Variants in CDK12 observed in about 807,000 individuals in gnomAD.
The protein encoded by CDK12 is cyclin dependent kinase 12.
In CDK12, 17 loss-of-function variants were observed where a neutral mutation model predicts 133.8. The ratio of observed to expected loss-of-function variants is 0.13; its 90% CI spans 0.09 to 0.19. The LOEUF is 0.19. Ranked by LOEUF, CDK12 falls within the 10% of genes least tolerant of loss-of-function variation. The pLI is 1.00. For missense variants in CDK12, 1,508 were observed against 1,818.7 expected (o/e 0.83, Z 3.11); for synonymous variants, 694 against 683.6 (o/e 1.02, Z -0.24).
chr17:39,530,523 A>T, intron 13 of CDK12, 81 bp from the exon 14 acceptor site: 2 of 1,501,254 alleles, frequency 1.3e-6, no homozygotes, highest in Non-Finnish European at 8.9e-7. Flanking sequence ...ATATTTGTTT[A>T]TGTTGCACAG....
intron 3 of CDK12, among the ~76,000 whole-genome samples, chr17:39,492,287 G>A (rs1452212277): frequency 6.7e-6 from 1 of 149,138 alleles, no homozygotes; most frequent in Non-Finnish European, 1.5e-5. Context: ...TAGTAGAGAC[G>A]GGGTTTCACC....
rs187669159 is a variant in CDK12 at position 39,522,192 on chromosome 17, C to T, written c.3095+2105C>T. ...TGGTGTGATCTCGACTCACCACAAG[C>T]GTTTCCTGCCTCAGCCTCCCGAGTA... On this transcript the variant is annotated intron_variant, in intron 11 of 13. Transcript: ENST00000447079. 2.3e-3 allele frequency among the ~76,000 whole-genome samples: 350 copies of T among 151,768 alleles called. 2 individuals carry two copies. The highest frequency in any genetic ancestry group is 8.0e-3 in the African/African-American group (330 of 41,352).
intron 13 of CDK12, 83 bp downstream of exon 13, chr17:39,526,399 A>G (rs1598176634): frequency 9.7e-7 from 1 of 1,026,820 alleles, no homozygotes; most frequent in South Asian, 1.7e-5. Context: ...TTTTTCCCCC[A>G]CATCAATGGC....
chr17:39,557,981 ATG>A (rs1214688728), intron 3 of CDK12, among the ~76,000 whole-genome samples: 2 of 152,230 alleles, frequency 1.3e-5, no homozygotes, highest in Admixed American at 1.3e-4. Context: ...TCGTGAAATA[ATG>A]TGTGTAAAGC....
intron 2 of CDK12, among the ~76,000 whole-genome samples, chr17:39,487,950 T>C (rs1360106924): frequency 6.6e-6 from 1 of 151,978 alleles, no homozygotes; most frequent in Non-Finnish European, 1.5e-5. Context: ...TATTAATAAA[T>C]TGAGATAGGC....
In CDK12 at chr17:39,461,614, G is replaced by A. The variant is rs549862718; in HGVS notation, c.-458G>A. The A allele has an allele frequency of 6.4e-5, 17 of 267,496 alleles. No individual in the cohort carries two copies. Among genetic ancestry groups the A allele is most frequent in the Admixed American group, 6.1e-4 (13 of 21,290 alleles). The allele number at this position is 267,496 out of a possible 1,614,324, so 16.6% of individuals were successfully genotyped here. A position where few individuals can be genotyped will look rare whatever the true frequency, so the allele number is the denominator to read the frequency against. ...GAGCGAGGGACAAAGGGGGCGTGAG[G>A]CACCTAGGCCGCGGCACCCCGGCGA... On this transcript the variant is annotated 5_prime_UTR_variant, in exon 1 of 14. Coordinates refer to ENST00000447079, the MANE Select transcript of CDK12 (RefSeq NM_016507.4).
In CDK12 at chr17:39,509,519, A is replaced by G. The variant is rs149295740; in HGVS notation, c.2610-186A>G. 1.1e-3 allele frequency among the ~76,000 whole-genome samples: 173 copies of G among 152,302 alleles called. 1 individual carries two copies. The highest frequency in any genetic ancestry group is 3.9e-3 in the African/African-American group (161 of 41,576). On this transcript the variant is annotated intron_variant, in intron 6 of 13. Coordinates refer to ENST00000447079, the MANE Select transcript of CDK12 (RefSeq NM_016507.4). The stretch of plus-strand genomic sequence containing the variant: ...TAGGGGGATTGAGTGTTAAGAGTAG[A>G]AGTAATCATGAACTGGGTATTGTAT...
At position 39,468,791 on chromosome 17, in the gene CDK12, T is replaced by TTTAA. The variant is rs982752976; in HGVS notation, c.1047-2073_1047-2070dup. Among the ~76,000 whole-genome samples, 60 of 151,436 alleles carry TTTAA rather than the reference T, an allele frequency of 4.0e-4. 1 individual carries two copies. Among genetic ancestry groups the TTTAA allele is most frequent in the African/African-American group, 1.2e-3 (49 of 41,354 alleles). The stretch of plus-strand genomic sequence containing the variant: ...TGCCCGGCACTTTTAATGTTTTTAT[T>TTTAA]TTAATTAATTAATTAATTTATTTAT... On this transcript the variant is annotated intron_variant, in intron 1 of 13. Coordinates refer to ENST00000447079, the MANE Select transcript of CDK12 (RefSeq NM_016507.4).
At chr17:39,469,938 A>G (rs1002688637) in intron 1 of CDK12, among the ~76,000 whole-genome samples, 2 of 151,978 alleles carry the variant, frequency 1.3e-5, no homozygotes, top group Non-Finnish European at 2.9e-5. Flanking sequence ...CACCTGGCCA[A>G]GCATGACTGC....
At chr17:39,502,433 G>A (rs1297769598) in intron 6 of CDK12, among the ~76,000 whole-genome samples, 4 of 152,130 alleles carry the variant, frequency 2.6e-5, no homozygotes, top group East Asian at 3.9e-4. Context: ...GATTACAGGC[G>A]TGAGCCACCA....
chr17:39,516,296 GGTTT>G (rs1425653870), intron 9 of CDK12, among the ~76,000 whole-genome samples: 2 of 151,976 alleles, frequency 1.3e-5, no homozygotes, highest in Admixed American at 6.6e-5. Context: ...CATTTGGGTG[GGTTT>G]GTTTTTGTTT....
In CDK12 at chr17:39,531,485, A is replaced by T; in HGVS notation, c.*169A>T. The T allele has an allele frequency of 1.8e-6, 1 of 552,824 alleles. No homozygotes were observed. Among genetic ancestry groups the T allele is most frequent in the Non-Finnish European group, 2.9e-6 (1 of 350,338 alleles). The allele number at this position is 552,824 out of a possible 1,614,324, so 34.2% of individuals were successfully genotyped here. The stretch of plus-strand genomic sequence containing the variant: ...ACTTGCTACTAGCAGGCGACTTACG[A>T]AATAATGATGTTGGCACCAGTTCCC... On this transcript the variant is annotated 3_prime_UTR_variant, in exon 14 of 14. Coordinates refer to ENST00000447079, the MANE Select transcript of CDK12 (RefSeq NM_016507.4).
In CDK12 at chr17:39,470,771, A is replaced by C. The variant is rs540707885; in HGVS notation, c.1047-108A>C. 3 of 971,748 alleles carry C rather than the reference A, an allele frequency of 3.1e-6. No homozygotes were observed. In the African/African-American group the frequency reaches 5.0e-5, roughly 16 times the overall value. The allele number at this position is 971,748 out of a possible 1,614,324, so 60.2% of individuals were successfully genotyped here. A position where few individuals can be genotyped will look rare whatever the true frequency, so the allele number is the denominator to read the frequency against. ...CCTCGTTTTTGATGGCACTTAATCT[A>C]TTTTACAATTGATAAGTTACAGTTC... On this transcript the variant is annotated intron_variant, in intron 1 of 13. Transcript: ENST00000447079.
intron 6 of CDK12, among the ~76,000 whole-genome samples, chr17:39,506,629 T>C (rs946362125): frequency 6.6e-6 from 1 of 152,134 alleles, no homozygotes; most frequent in Admixed American, 6.6e-5. Flanking sequence ...TATCACAAGC[T>C]AAGGCAACGA....
Position 39,462,044 on chromosome 17 carries a change from T to C in CDK12, c.-28T>C. ...CTTTTTGGAGTGCTGGGGAACTTTT[T>C]TCCCTTCTTCAGGTCAGGGGAAAGG... On this transcript the variant is annotated 5_prime_UTR_variant, in exon 1 of 14. Coordinates refer to ENST00000447079, the MANE Select transcript of CDK12 (RefSeq NM_016507.4). The C allele has an allele frequency of 6.3e-7, 1 of 1,590,572 alleles. No individual in the cohort carries two copies.
rs778467311 is a variant in CDK12 at position 39,524,764 on chromosome 17, A to T, written c.3186A>T (p.Pro1062=). 5 of 1,614,100 alleles carry T rather than the reference A, an allele frequency of 3.1e-6. No homozygotes were observed. In the African/African-American group the frequency reaches 4.0e-5, roughly 13 times the overall value. Residue 1062 remains proline, a synonymous_variant, in exon 12 of 14, where the codon CCA becomes CCT. Transcript: ENST00000447079. The part of the protein sequence containing the change: ...QSGVVVEEPP[P]SKTSRKETTS... ...GTGTTGTAGTCGAAGAGCCACCTCCATCCAAAACTTCTCGAAAAGAAACTA... is the reference window on the plus strand; with the variant it reads ...GTGTTGTAGTCGAAGAGCCACCTCCTTCCAAAACTTCTCGAAAAGAAACTA...
chr17:39,499,507 C>A (rs2052559186), intron 5 of CDK12, among the ~76,000 whole-genome samples: 1 of 148,256 alleles, frequency 6.7e-6, no homozygotes, highest in Non-Finnish European at 1.5e-5. Flanking sequence ...CCGCGCCCAG[C>A]CTCTTTTTTT....
In CDK12 at chr17:39,533,681, G is replaced by C. The variant is rs145946465; in HGVS notation, c.*2365G>C. The C allele has an allele frequency of 4.3e-6, 1 of 232,702 alleles. No individual in the cohort carries two copies. Among genetic ancestry groups the C allele is most frequent in the Non-Finnish European group, 8.5e-6 (1 of 117,800 alleles). 14.4% of individuals were successfully genotyped at this position (232,702 alleles called of 1,614,324 possible). On this transcript the variant is annotated 3_prime_UTR_variant, in exon 14 of 14. Coordinates refer to ENST00000447079, the MANE Select transcript of CDK12 (RefSeq NM_016507.4). ...TCATCCCTACTAGGGAAGGGGGTGA[G>C]TGTATGTGTGAGTGTATGTGTATGT...
chr17:39,518,530 CT>C (rs2053958485), intron 10 of CDK12, among the ~76,000 whole-genome samples: 1 of 151,974 alleles, frequency 6.6e-6, no homozygotes, highest in African/African-American at 2.4e-5. Context: ...TTTTCCCTCT[CT>C]GTTATTTTAT....
Sources: gnomAD v4.1 joint callset for allele counts (sites outside exome capture counted in the v4.1 genomes callset) on GRCh38, gnomAD v4.1.1 for gene constraint, MANE v1.5 for transcripts, NCBI Gene and HGNC (gene_info 2026-07-23, HGNC 2026-07-21) for gene names.